Variants in NPAS4 observed in about 807,000 individuals in gnomAD.
NPAS4 encodes the protein neuronal PAS domain protein 4, also known as neuronal PAS domain-containing protein 4.
A neutral mutation model predicts 64.0 loss-of-function variants in NPAS4; 10 were observed. The observed-to-expected ratio is 0.16, with a 90% confidence interval of 0.10 to 0.26. The LOEUF (loss-of-function observed/expected upper bound fraction) is 0.26, where lower values mean the gene tolerates loss of function less well. Ranked by LOEUF, NPAS4 falls within the 10% of genes least tolerant of loss-of-function variation. The pLI, the probability that NPAS4 is intolerant of heterozygous loss-of-function variation, is 1.00. For synonymous variants in NPAS4, 441 were observed against 411.7 expected (o/e 1.07, Z -0.86); for missense variants, 886 against 992.6 (o/e 0.89, Z 1.44).
At chr11:66,420,981 C>A (rs1388648759), upstream of NPAS4, 6 of 543,190 alleles carry the variant, frequency 1.1e-5, no homozygotes, top group African/African-American at 5.7e-5. Context: ...GGCTCTAAAA[C>A]GAGCCCCCCA....
chr11:66,418,943 C>A (rs1856698800), upstream of NPAS4, among the ~76,000 whole-genome samples: 1 of 152,144 alleles, frequency 6.6e-6, no homozygotes. Context: ...GCCATGACAC[C>A]CAGCCAGTAG....
In NPAS4 at chr11:66,424,122, C is replaced by A. The variant is rs1371413196; in HGVS notation, c.1232C>A (p.Ser411Tyr). The A allele has an allele frequency of 1.2e-6, 2 of 1,613,956 alleles. No individual in the cohort carries two copies. The highest frequency in any genetic ancestry group is 1.7e-6 in the Non-Finnish European group (2 of 1,180,024). ...ACATTCCCTTCTGGGCCTGAGCCTT[C>A]TCTCCAAGCAGAACTAAGCAAGGAT... The part of the protein sequence containing the change: ...YLTFPSGPEP[S>Y]LQAELSKDLV... Residue 411 changes from serine (S) to tyrosine (Y), a missense_variant, in exon 7 of 8, where the codon TCT becomes TAT. Around this residue, in one of 3 missense-constraint regions of NPAS4, gnomAD observed 820 missense variants for 855.5 expected, o/e 0.96. Coordinates refer to ENST00000311034, the MANE Select transcript of NPAS4 (RefSeq NM_178864.4).
intron 5 of NPAS4, 69 bp downstream of exon 5, chr11:66,423,301 T>C: frequency 1.9e-6 from 2 of 1,073,300 alleles, no homozygotes; most frequent in Non-Finnish European, 1.4e-6. Flanking sequence ...AGACAAAGAA[T>C]GATCTGTAGT....
upstream of NPAS4, among the ~76,000 whole-genome samples, chr11:66,416,509 A>G (rs1026856509): frequency 1.3e-5 from 2 of 152,200 alleles, no homozygotes; most frequent in Non-Finnish European, 2.9e-5. Flanking sequence ...TGGGAATAGA[A>G]CTATGAAAAA....
the NPAS4 span, among the ~76,000 whole-genome samples, chr11:66,414,656 T>C: frequency 6.6e-6 from 1 of 152,284 alleles, no homozygotes; most frequent in Admixed American, 6.5e-5. Context: ...GATAGCATAA[T>C]GAAAAGGCCT....
intron 5 of NPAS4, 147 bp from the exon 6 acceptor site, chr11:66,423,431 C>A: frequency 1.0e-6 from 1 of 961,736 alleles, no homozygotes; most frequent in Non-Finnish European, 1.6e-6. Flanking sequence ...GTGGTGAGGT[C>A]AAGGTAGAGA....
In NPAS4 at chr11:66,421,139, G is replaced by T; in HGVS notation, c.-41G>T. The T allele has an allele frequency of 1.3e-6, 2 of 1,547,880 alleles. No individual in the cohort carries two copies. Among genetic ancestry groups the T allele is most frequent in the South Asian group, 1.2e-5 (1 of 85,984 alleles). On this transcript the variant is annotated 5_prime_UTR_variant, in exon 1 of 8. The change creates a new upstream start codon in the 5' untranslated region. Coordinates refer to ENST00000311034, the MANE Select transcript of NPAS4 (RefSeq NM_178864.4). Reference sequence around the variant, plus strand: ...GCCGGTGCGTCGGGACGGGAGCGCAGGTGCTCGGGCACCCGAGCTGGAGCT... The same window carrying T: ...GCCGGTGCGTCGGGACGGGAGCGCATGTGCTCGGGCACCCGAGCTGGAGCT...
At position 66,424,048 on chromosome 11, in the gene NPAS4, A is replaced by G; in HGVS notation, c.1158A>G (p.Ala386=). ...CTCCTGAACTGAGTGTTGTCTCTGC[A>G]TCAGAAGAGCTTCCCCGACCCTCCA... The part of the protein sequence containing the change: ...PSAPELSVVS[A]SEELPRPSKE... The change falls in exon 7 of 8, where the codon GCA becomes GCG. Residue 386 remains alanine (A), a synonymous_variant. Coordinates refer to ENST00000311034, the MANE Select transcript of NPAS4 (RefSeq NM_178864.4). The G allele has an allele frequency of 5.6e-6, 9 of 1,614,158 alleles. No homozygotes were observed. The highest frequency in any genetic ancestry group is 7.6e-6 in the Non-Finnish European group (9 of 1,180,018).
At chr11:66,421,427 G>A in intron 1 of NPAS4, 73 bp downstream of exon 1, 1 of 1,428,920 alleles carries the variant, frequency 7.0e-7, no homozygotes, top group Non-Finnish European at 9.8e-7. Context: ...GAACCCGCTG[G>A]GGCTGTCGCA....
rs1204449770 is a variant in NPAS4, at chr11:66,423,817, C to T, written c.945-18C>T. The T allele has an allele frequency of 6.2e-7, 1 of 1,601,248 alleles. No homozygotes were observed. Among genetic ancestry groups the T allele is most frequent in the Non-Finnish European group, 8.5e-7 (1 of 1,172,404 alleles). The stretch of plus-strand genomic sequence containing the variant: ...TGGACGTCGGACCCTTACCAGCTGC[C>T]TCTTCTCTCCTCTCCAGTGACATGG... On this transcript the variant is annotated intron_variant, in intron 6 of 7. Transcript: ENST00000311034.
chr11:66,418,130 T>C (rs949514439), upstream of NPAS4, among the ~76,000 whole-genome samples: 3 of 151,938 alleles, frequency 2.0e-5, no homozygotes, highest in South Asian at 6.2e-4. Context: ...GCTCTCCCAT[T>C]CCTTCTACAC....
At chr11:66,414,754 C>A in the NPAS4 span, among the ~76,000 whole-genome samples, 1 of 152,216 alleles carries the variant, frequency 6.6e-6, no homozygotes, top group Admixed American at 6.5e-5. Flanking sequence ...CCTATTCTCA[C>A]TGCACTGACC....
At chr11:66,415,714 G>A in the NPAS4 span, among the ~76,000 whole-genome samples, 1 of 152,232 alleles carries the variant, frequency 6.6e-6, no homozygotes, top group Non-Finnish European at 1.5e-5. Context: ...GAAAGCTTGG[G>A]TTGGGAGCAG....
chr11:66,410,682 T>C, the NPAS4 span: 1 of 152,348 alleles, frequency 6.6e-6, no homozygotes. Context: ...CGTGTGTCAC[T>C]GGGGTCACTC....
At chr11:66,413,384 G>A in the NPAS4 span, among the ~76,000 whole-genome samples, 2 of 152,256 alleles carry the variant, frequency 1.3e-5, no homozygotes, top group East Asian at 3.8e-4. Flanking sequence ...AGGCAAGGGG[G>A]TGCATGAGGC....
Position 66,425,118 on chromosome 11 carries a change from G to T in NPAS4, c.2228G>T (p.Cys743Phe), listed in dbSNP as rs769263026. 1.2e-6 allele frequency: 2 copies of T among 1,605,430 alleles called. No individual in the cohort carries two copies. Among genetic ancestry groups the T allele is most frequent in the Non-Finnish European group, 1.7e-6 (2 of 1,177,056 alleles). Residue 743 changes from cysteine to phenylalanine, a missense_variant, in exon 7 of 8, where the codon TGC (cysteine) becomes TTC (phenylalanine). Around this residue, in one of 3 missense-constraint regions of NPAS4, gnomAD observed 820 missense variants for 855.5 expected, o/e 0.96. Transcript: ENST00000311034. Reference sequence around the variant, plus strand: ...GGCCCAGGAGGGGCCCCATCGCCTTGCAACAACCTGTCCCCAGAAGACCAC... The same window carrying T: ...GGCCCAGGAGGGGCCCCATCGCCTTTCAACAACCTGTCCCCAGAAGACCAC... The part of the protein sequence containing the change: ...AEGPGGAPSP[C>F]NNLSPEDHSF...
Position 66,421,206 on chromosome 11 carries a change from C to A in NPAS4, c.27C>A (p.Ser9=), listed in dbSNP as rs1174287654. The A allele has an allele frequency of 6.2e-7, 1 of 1,612,386 alleles. No homozygotes were observed. The highest frequency in any genetic ancestry group is 1.7e-5 in the Admixed American group (1 of 59,728). The change falls in exon 1 of 8, where the codon TCC becomes TCA. Residue 9 remains serine (S), a synonymous_variant. Coordinates refer to ENST00000311034, the MANE Select transcript of NPAS4 (RefSeq NM_178864.4). ...TGTACCGCTCCACCAAGGGCGCCTC[C>A]AAGGCGCGCCGGGACCAGATCAACG... is the stretch of plus-strand genomic sequence containing the variant. The part of the protein sequence containing the change: MYRSTKGA[S]KARRDQINAE...
rs1202412391 is a variant in NPAS4, at chr11:66,424,966, G to A, written c.2076G>A (p.Gln692=). The A allele has an allele frequency of 6.2e-7, 1 of 1,614,172 alleles. No individual in the cohort carries two copies. The highest frequency in any genetic ancestry group is 2.2e-5 in the East Asian group (1 of 44,870). Residue 692 remains glutamine, a synonymous_variant, in exon 7 of 8, where the codon CAG becomes CAA. Coordinates refer to ENST00000311034, the MANE Select transcript of NPAS4 (RefSeq NM_178864.4). ...LSLDLKPWKC[Q]ELDFLADPDN... ...TGGACCTGAAACCCTGGAAATGCCA[G>A]GAGCTGGACTTCCTGGCTGACCCTG...
At chr11:66,417,475 C>T (rs958462676), upstream of NPAS4, among the ~76,000 whole-genome samples, 2 of 152,052 alleles carry the variant, frequency 1.3e-5, no homozygotes, top group Non-Finnish European at 2.9e-5. Context: ...ATGTGGGGCT[C>T]CTTTCCTCCA....
Sources: gnomAD v4.1 joint callset for allele counts (sites outside exome capture counted in the v4.1 genomes callset) on GRCh38, gnomAD v4.1.1 for gene constraint, gnomAD v4.1.1 regional missense constraint, MANE v1.5 for transcripts, NCBI Gene and HGNC (gene_info 2026-07-23, HGNC 2026-07-21) for gene names.